Variants in L3MBTL2 observed in about 807,000 individuals in gnomAD.
L3MBTL2 encodes L3MBTL histone methyl-lysine binding protein 2.
A neutral mutation model predicts 86.4 loss-of-function variants in L3MBTL2; 49 were observed. That is an observed-to-expected ratio of 0.57 (90% CI 0.45 to 0.72). The LOEUF (loss-of-function observed/expected upper bound fraction) is 0.72, where lower values mean the gene tolerates loss of function less well. L3MBTL2 is among the 30% of genes least tolerant of loss of function. The pLI is 0.00. For synonymous variants in L3MBTL2, 336 were observed against 350.6 expected (o/e 0.96, Z 0.47); for missense variants, 755 against 923.7 (o/e 0.82, Z 2.37).
chr22:41,229,405 G>A (rs539678166), intron 15 of L3MBTL2, 135 bp from the exon 16 acceptor site: 2 of 879,050 alleles, frequency 2.3e-6, no homozygotes, highest in South Asian at 3.6e-5. Flanking sequence ...TGTCAGAGTT[G>A]GAGTCCAGGC....
chr22:41,229,684 A>G lies in L3MBTL2; in HGVS notation c.2005+28A>G, dbSNP rs756379110. 8.1e-6 allele frequency: 13 copies of G among 1,612,820 alleles called. No homozygotes were observed. In the African/African-American group the frequency reaches 1.5e-4, roughly 18 times the overall value. On this transcript the variant is annotated intron_variant, in intron 16 of 16. Coordinates refer to ENST00000216237, the MANE Select transcript of L3MBTL2 (RefSeq NM_031488.5). Reference sequence around the variant, plus strand: ...AAGAGCCACCGGGCTGGGTCAAGGCAGGACCAGCCTGCTCCGTGCTCAGAG... The same window carrying G: ...AAGAGCCACCGGGCTGGGTCAAGGCGGGACCAGCCTGCTCCGTGCTCAGAG...
intron 12 of L3MBTL2, among the ~76,000 whole-genome samples, chr22:41,226,207 G>A (rs1289528526): frequency 6.6e-6 from 1 of 152,062 alleles, no homozygotes; most frequent in Non-Finnish European, 1.5e-5. Flanking sequence ...AACCCAGGAG[G>A]TGGAGGTTAC....
chr22:41,220,955 G>T, intron 7 of L3MBTL2, 87 bp downstream of exon 7: 1 of 1,452,198 alleles, frequency 6.9e-7, no homozygotes, highest in Middle Eastern at 2.3e-4. Context: ...TAGAATGGGA[G>T]TCCTCTGTCT....
At chr22:41,219,222 C>T (rs1438395062) in intron 5 of L3MBTL2, 197 bp from the exon 6 acceptor site, 2 of 498,638 alleles carry the variant, frequency 4.0e-6, no homozygotes, top group Non-Finnish European at 7.4e-6. Context: ...CATCCCACCA[C>T]CTCCACCTCT....
chr22:41,219,646 C>T, intron 6 of L3MBTL2, 110 bp downstream of exon 6: 1 of 705,000 alleles, frequency 1.4e-6, no homozygotes, highest in Non-Finnish European at 2.5e-6. Context: ...AAATCCCACC[C>T]ACTGGAATTT....
Position 41,226,708 on chromosome 22 carries a change from CA to C in L3MBTL2, c.1553del (p.Lys518SerfsTer23). ...FNWENYLEKT[K>X]SKAAPSRLFN... Reference sequence around the variant, plus strand: ...ACTGGGAGAACTACTTGGAGAAGACCAAGTCGAAAGCCGCTCCATCGAGACT... The same window carrying C: ...ACTGGGAGAACTACTTGGAGAAGACCAGTCGAAAGCCGCTCCATCGAGACT... On this transcript the variant is annotated frameshift_variant, in exon 13 of 17. Coordinates refer to ENST00000216237, the MANE Select transcript of L3MBTL2 (RefSeq NM_031488.5). LOFTEE classifies it high-confidence loss of function. The C allele has an allele frequency of 6.2e-7, 1 of 1,614,012 alleles. No homozygotes were observed. Among genetic ancestry groups the C allele is most frequent in the Non-Finnish European group, 8.5e-7 (1 of 1,179,902 alleles).
chr22:41,226,657 T>C lies in L3MBTL2; in HGVS notation c.1505-5T>C, dbSNP rs767315916. ...CCTCTGCATCTGAGCTTTCTGCTCC[T>C]CCAGGTTATGAGGCACAGACTTTCA... On this transcript the variant is annotated splice_region_variant and splice_polypyrimidine_tract_variant and intron_variant, in intron 12 of 16. Coordinates refer to ENST00000216237, the MANE Select transcript of L3MBTL2 (RefSeq NM_031488.5). 11 of 1,610,748 alleles carry C rather than the reference T, an allele frequency of 6.8e-6. No individual in the cohort carries two copies. The East Asian group carries it at 2.5e-4, about 36-fold the overall frequency.
intron 5 of L3MBTL2, chr22:41,218,856 C>A (rs1375997406): frequency 1.3e-5 from 2 of 152,664 alleles, no homozygotes; most frequent in African/African-American, 4.8e-5. Flanking sequence ...GAACTCCCAG[C>A]CTCAGGTGAT....
chr22:41,227,786 C>T lies in L3MBTL2; in HGVS notation c.1823-18C>T. ...GGACCCTCTTCTCATCTCTTTCACC[C>T]TTGTCTTTCAACAACAGAACCGGCC... On this transcript the variant is annotated intron_variant, in intron 14 of 16. Transcript: ENST00000216237. The surrounding 1 kb of genome is among the most constrained non-coding windows in gnomAD (Gnocchi z 6.0). 2 of 1,613,552 alleles carry T rather than the reference C, an allele frequency of 1.2e-6. No homozygotes were observed. The highest frequency in any genetic ancestry group is 8.5e-7 in the Non-Finnish European group (1 of 1,179,720).
chr22:41,210,410 A>G (rs2030650934), intron 2 of L3MBTL2, among the ~76,000 whole-genome samples: 1 of 152,146 alleles, frequency 6.6e-6, no homozygotes, highest in South Asian at 2.1e-4. Context: ...GCTCACTGCA[A>G]GCTCTGCCTC....
At chr22:41,209,416 ATACAG>A (rs1278255277) in intron 1 of L3MBTL2, 1 of 360,700 alleles carries the variant, frequency 2.8e-6, no homozygotes, top group African/African-American at 2.1e-5. Context: ...CCACATTGTT[ATACAG>A]TATTCTATTT....
intron 6 of L3MBTL2, among the ~76,000 whole-genome samples, chr22:41,219,864 C>T (rs1016735943): frequency 6.6e-6 from 1 of 152,170 alleles, no homozygotes; most frequent in Non-Finnish European, 1.5e-5. Flanking sequence ...GCCTCAGCCT[C>T]CCGAATAGCT....
chr22:41,216,117 T>A, intron 3 of L3MBTL2, 22 bp from the exon 4 acceptor site: 4 of 1,604,310 alleles, frequency 2.5e-6, no homozygotes, highest in Non-Finnish European at 3.4e-6. Flanking sequence ...AGGCTACACA[T>A]AGCCTCTGTC....
At position 41,225,894 on chromosome 22, in the gene L3MBTL2, C is replaced by T. The variant is rs750113618; in HGVS notation, c.1457C>T (p.Pro486Leu). 8 of 1,614,136 alleles carry T rather than the reference C, an allele frequency of 5.0e-6. No individual in the cohort carries two copies. The highest frequency in any genetic ancestry group is 1.1e-5 in the South Asian group (1 of 91,084). The change falls in exon 12 of 17, where the codon CCG becomes CTG. Residue 486 changes from proline (P) to leucine (L), a missense_variant. Pro to Leu is a moderately conservative substitution (Grantham distance 98, BLOSUM62 -3). Around this residue, in one of 3 missense-constraint regions of L3MBTL2, gnomAD observed 634 missense variants for 748.9 expected, o/e 0.85. Coordinates refer to ENST00000216237, the MANE Select transcript of L3MBTL2 (RefSeq NM_031488.5). The surrounding 1 kb of genome is among the most constrained non-coding windows in gnomAD (Gnocchi z 4.1). The stretch of plus-strand genomic sequence containing the variant: ...CATGCCTCTTCCCACGCCATCTTCC[C>T]GGCCACCTTCTGTCAGAAGAATGAC... ...CYHASSHAIF[P>L]ATFCQKNDIE...
At chr22:41,229,969 G>A (rs143574633) in intron 16 of L3MBTL2, among the ~76,000 whole-genome samples, 170 bp from the exon 17 acceptor site, 1 of 152,252 alleles carries the variant, frequency 6.6e-6, no homozygotes, top group East Asian at 1.9e-4. Context: ...CCTGGCTTGG[G>A]GCCTTGGCCC....
chr22:41,208,390 A>T (rs1277935306), intron 1 of L3MBTL2: 1 of 423,112 alleles, frequency 2.4e-6, no homozygotes, highest in Non-Finnish European at 4.7e-6. Context: ...TCAGCCTCCC[A>T]AAGTGCTGGG....
Position 41,209,492 on chromosome 22 carries a change from C to T in L3MBTL2, c.25-204C>T, listed in dbSNP as rs535659666. 2.9e-4 allele frequency: 159 copies of T among 557,850 alleles called. 4 individuals are homozygous for T. The South Asian group carries it at 3.2e-3, about 11-fold the overall frequency. The allele number at this position is 557,850 out of a possible 1,614,324, so 34.6% of individuals were successfully genotyped here. On this transcript the variant is annotated intron_variant, in intron 1 of 16. Coordinates refer to ENST00000216237, the MANE Select transcript of L3MBTL2 (RefSeq NM_031488.5). ...AGAGGAGCCTGGTGAATTCCTAACA[C>T]ATATTTTCTGTCTTGTTAAGCTGTT...
In L3MBTL2 at chr22:41,227,561, C is replaced by T; in HGVS notation, c.1822+238C>T. On this transcript the variant is annotated intron_variant, in intron 14 of 16. Coordinates refer to ENST00000216237, the MANE Select transcript of L3MBTL2 (RefSeq NM_031488.5). The surrounding 1 kb of genome is among the most constrained non-coding windows in gnomAD (Gnocchi z 6.0). ...TGCCCACTCTGTCATATGTTCGTGC[C>T]CTTGTGCACCCAGGTAAACTACCCA... The T allele has an allele frequency of 6.5e-7, 1 of 1,543,944 alleles. No individual in the cohort carries two copies. The highest frequency in any genetic ancestry group is 8.8e-7 in the Non-Finnish European group (1 of 1,141,892).
rs1041028431 is a variant in L3MBTL2, at chr22:41,227,427, G to A, written c.1822+104G>A. On this transcript the variant is annotated intron_variant, in intron 14 of 16. Coordinates refer to ENST00000216237, the MANE Select transcript of L3MBTL2 (RefSeq NM_031488.5). The surrounding 1 kb of genome is among the most constrained non-coding windows in gnomAD (Gnocchi z 6.0). ...TCTCCGTTCTTTGGCATGAGGTGGA[G>A]ATGTCTCATGGACCACTTTAAGTAG... 7.2e-6 allele frequency: 9 copies of A among 1,254,324 alleles called. No individual in the cohort carries two copies. Among genetic ancestry groups the A allele is most frequent in the Non-Finnish European group, 1.0e-5 (9 of 880,846 alleles). 77.7% of individuals were successfully genotyped at this position (1,254,324 alleles called of 1,614,324 possible).
Sources: allele counts gnomAD v4.1 joint callset (sites outside exome capture counted in the v4.1 genomes callset), GRCh38; gene constraint gnomAD v4.1.1; regional missense constraint gnomAD v4.1.1; non-coding constraint Gnocchi (gnomAD v3.1); transcripts MANE v1.5; gene names NCBI Gene and HGNC (gene_info 2026-07-23, HGNC 2026-07-21).